Variants in DISC1 observed in about 807,000 individuals in gnomAD.
DISC1 encodes the protein DISC1 scaffold protein, also known as disrupted in schizophrenia 1 protein.
DISC1 carries 57 observed loss-of-function variants against 84.5 expected under a neutral mutation model. The observed-to-expected ratio is 0.67, with a 90% CI of 0.55 to 0.84. The LOEUF is 0.84. Among genes scored for constraint, DISC1 ranks in the 40% least tolerant of loss-of-function variants. The pLI is 0.00. For missense variants in DISC1, 1,000 were observed against 1,057.8 expected (o/e 0.95, Z 0.76); for synonymous variants, 411 against 415.2 (o/e 0.99, Z 0.12).
At chr1:231,701,706 TTAAAA>T (rs1296563067) in intron 2 of DISC1, among the ~76,000 whole-genome samples, 4 of 152,230 alleles carry the variant, frequency 2.6e-5, no homozygotes, top group Admixed American at 2.6e-4. Context: ...ATGTTTTTGT[TTAAAA>T]TAAAATAACA....
rs1553426859 is a variant in DISC1 at position 232,036,719 on chromosome 1, T to C, written c.2453T>C (p.Val818Ala). The part of the protein sequence containing the change: ...IQSLRRELQM[V>A]KETLQAMILQ... Reference sequence around the variant, plus strand: ...TCTCTCAGGAGGGAGCTCCAGATGGTGAAGGAAACTCTGCAGGCCATGATC... The same window carrying C: ...TCTCTCAGGAGGGAGCTCCAGATGGCGAAGGAAACTCTGCAGGCCATGATC... Residue 818 changes from valine to alanine, a missense_variant, in exon 13 of 13, where the codon GTG becomes GCG. Val to Ala is a moderately conservative substitution (Grantham distance 64). Around this residue, in one of 3 missense-constraint regions of DISC1, gnomAD observed 397 missense variants for 377.5 expected, o/e 1.05. Transcript: ENST00000439617. The C allele has an allele frequency of 1.9e-6, 3 of 1,602,792 alleles. No homozygotes were observed. The highest frequency in any genetic ancestry group is 2.2e-5 in the South Asian group (2 of 90,052).
chr1:231,692,805 A>G (rs2065206199), intron 1 of DISC1, among the ~76,000 whole-genome samples: 1 of 152,204 alleles, frequency 6.6e-6, no homozygotes, highest in African/African-American at 2.4e-5. Flanking sequence ...AGTTCTCTGA[A>G]TCTCAGTTGC....
chr1:231,948,426 A>AACATCAT (rs1348208771), intron 9 of DISC1, among the ~76,000 whole-genome samples: 1 of 152,054 alleles, frequency 6.6e-6, no homozygotes, highest in Non-Finnish European at 1.5e-5. Context: ...GGACATAGGG[A>AACATCAT]GGGGAACATC....
At chr1:231,757,927 G>A (rs941253259) in intron 4 of DISC1, among the ~76,000 whole-genome samples, 4 of 151,656 alleles carry the variant, frequency 2.6e-5, no homozygotes, top group South Asian at 2.1e-4. Context: ...GCTCACAGTC[G>A]GCTTTCCACT....
intron 11 of DISC1, 78 bp from the exon 12 acceptor site, chr1:232,026,357 C>G (rs1184322489): frequency 1.0e-6 from 1 of 989,854 alleles, no homozygotes; most frequent in East Asian, 2.6e-5. Context: ...TGGGAGAGCT[C>G]TTTCCAGGAA....
intron 3 of DISC1, among the ~76,000 whole-genome samples, chr1:231,729,956 G>C (rs985152660): frequency 3.3e-5 from 5 of 152,098 alleles, no homozygotes; most frequent in Non-Finnish European, 5.9e-5. Flanking sequence ...CTGATACTCT[G>C]AATTCTATTA....
intron 3 of DISC1, among the ~76,000 whole-genome samples, chr1:231,736,325 TA>T (rs2072485270): frequency 2.0e-5 from 3 of 152,202 alleles, no homozygotes; most frequent in Admixed American, 2.0e-4. Context: ...TTGGGAAAAG[TA>T]ATAGCAAAAG....
intron 10 of DISC1, among the ~76,000 whole-genome samples, chr1:231,968,355 C>T (rs1023849392): frequency 1.3e-5 from 2 of 152,102 alleles, no homozygotes; most frequent in African/African-American, 4.8e-5. Flanking sequence ...GGCCTCTTCA[C>T]ATCTGGACCA....
intron 9 of DISC1, among the ~76,000 whole-genome samples, chr1:231,889,168 A>C (rs1404215950): frequency 1.3e-5 from 2 of 152,296 alleles, no homozygotes; most frequent in Non-Finnish European, 2.9e-5. Context: ...AGTTGACAGC[A>C]AGAACTGAGA....
At chr1:231,899,318 G>A (rs538750856) in intron 9 of DISC1, among the ~76,000 whole-genome samples, 28 of 152,154 alleles carry the variant, frequency 1.8e-4, no homozygotes, top group Non-Finnish European at 3.2e-4. Context: ...GGTAAGGCCT[G>A]AGAATGTGCA....
intron 10 of DISC1, among the ~76,000 whole-genome samples, chr1:231,961,808 C>T (rs888895580): frequency 7.9e-5 from 12 of 152,144 alleles, no homozygotes; most frequent in Non-Finnish European, 1.8e-4. Flanking sequence ...GGTTCCATGA[C>T]TTTGCTATTG....
chr1:231,800,263 T>C, intron 8 of DISC1, 53 bp downstream of exon 8: 2 of 1,349,896 alleles, frequency 1.5e-6, no homozygotes, highest in Non-Finnish European at 2.1e-6. Flanking sequence ...TAATGACAGC[T>C]ACCAGCACAT....
chr1:231,884,963 T>C (rs1234168609), intron 9 of DISC1, among the ~76,000 whole-genome samples: 1 of 152,150 alleles, frequency 6.6e-6, no homozygotes, highest in Non-Finnish European at 1.5e-5. Context: ...TCCCCCAGGA[T>C]TTTTTGTCCT....
chr1:231,976,416 A>C (rs1049990699), intron 10 of DISC1, among the ~76,000 whole-genome samples: 4 of 152,192 alleles, frequency 2.6e-5, no homozygotes, highest in African/African-American at 9.7e-5. Flanking sequence ...TGTTCCTGAA[A>C]AAGCCGGGGT....
chr1:231,861,724 G>T (rs145052174), intron 9 of DISC1, among the ~76,000 whole-genome samples: 1 of 152,100 alleles, frequency 6.6e-6, no homozygotes. Context: ...TTGCTGTCAC[G>T]TGATAGTTTT....
intron 3 of DISC1, among the ~76,000 whole-genome samples, chr1:231,736,932 T>C (rs1248296436): frequency 2.6e-5 from 4 of 152,260 alleles, no homozygotes; most frequent in Non-Finnish European, 5.9e-5. Context: ...GATGTCTTTA[T>C]GTGTGAAGAT....
At chr1:231,828,837 G>T (rs2082036128) in intron 9 of DISC1, among the ~76,000 whole-genome samples, 1 of 152,078 alleles carries the variant, frequency 6.6e-6, no homozygotes, top group South Asian at 2.1e-4. Context: ...CGTAACTGTA[G>T]TTTGAGACAA....
intron 9 of DISC1, among the ~76,000 whole-genome samples, chr1:231,838,359 A>G: frequency 6.6e-6 from 1 of 152,332 alleles, no homozygotes; most frequent in African/African-American, 2.4e-5. Context: ...ATGTTCCTCA[A>G]GGAACTTTCC....
rs181827855 is a variant in DISC1, at chr1:231,897,071, A to C, written c.1982-61757A>C. Among the ~76,000 whole-genome samples the C allele has an allele frequency of 1.6e-3, 250 of 152,306 alleles. 1 individual carries two copies. Among genetic ancestry groups the C allele is most frequent in the African/African-American group, 5.8e-3 (241 of 41,564 alleles). ...AACACCACAGCAGGAGTGAAGAAGG[A>C]GCTGGAAGGGGAAGGTGGGGATTCA... On this transcript the variant is annotated intron_variant, in intron 9 of 12. Coordinates refer to ENST00000439617, the MANE Select transcript of DISC1 (RefSeq NM_018662.3). The surrounding 1 kb of genome is among the most constrained non-coding windows in gnomAD (Gnocchi z 4.5).
Sources: allele counts gnomAD v4.1 joint callset (sites outside exome capture counted in the v4.1 genomes callset), GRCh38; gene constraint gnomAD v4.1.1; regional missense constraint gnomAD v4.1.1; non-coding constraint Gnocchi (gnomAD v3.1); transcripts MANE v1.5; gene names NCBI Gene and HGNC (gene_info 2026-07-23, HGNC 2026-07-21).